The following IGF2BP2 variants were observed in gnomAD, a reference collection of about 807,000 sequenced individuals.
IGF2BP2 encodes the protein insulin-like growth factor 2 mRNA-binding protein 2.
IGF2BP2 carries 17 observed loss-of-function variants against 75.8 expected under a neutral mutation model. The ratio of observed to expected loss-of-function variants is 0.22; its 90% CI spans 0.15 to 0.34. IGF2BP2 has a LOEUF of 0.34. IGF2BP2 is among the 10% of genes least tolerant of loss of function. The probability of loss-of-function intolerance (pLI) is 1.00; values close to 1 mark genes in which losing one functional copy is unlikely to be tolerated. For synonymous variants in IGF2BP2, 288 were observed against 295.6 expected (o/e 0.97, Z 0.26); for missense variants, 516 against 772.4 (o/e 0.67, Z 3.93).
intron 2 of IGF2BP2, among the ~76,000 whole-genome samples, chr3:185,707,731 A>G (rs1206833150): frequency 1.3e-5 from 2 of 152,170 alleles, no homozygotes; most frequent in African/African-American, 4.8e-5. Context: ...TCTTTCGGAA[A>G]TCAAACAAAA....
intron 12 of IGF2BP2, among the ~76,000 whole-genome samples, chr3:185,653,574 T>C (rs1462544078): frequency 6.6e-6 from 1 of 150,574 alleles, no homozygotes; most frequent in Non-Finnish European, 1.5e-5. Flanking sequence ...TGAGCCGAGA[T>C]CAAACCACTG....
chr3:185,659,521 C>T (rs908367887), intron 10 of IGF2BP2, among the ~76,000 whole-genome samples: 19 of 149,824 alleles, frequency 1.3e-4, no homozygotes, highest in Admixed American at 2.7e-4. Flanking sequence ...ATTACAGGCA[C>T]CCCCCACCAC....
intron 7 of IGF2BP2, among the ~76,000 whole-genome samples, chr3:185,679,448 T>A (rs1720047073): frequency 6.6e-6 from 1 of 152,218 alleles, no homozygotes; most frequent in Non-Finnish European, 1.5e-5. Context: ...AACATAGATT[T>A]ATAGTTAAAA....
chr3:185,685,782 C>A (rs1225965147), intron 7 of IGF2BP2, among the ~76,000 whole-genome samples: 1 of 152,176 alleles, frequency 6.6e-6, no homozygotes, highest in Non-Finnish European at 1.5e-5. Context: ...GCCGAGACTA[C>A]AGGTATACAC....
chr3:185,664,094 C>A (rs1716908121), intron 10 of IGF2BP2, among the ~76,000 whole-genome samples: 1 of 152,184 alleles, frequency 6.6e-6, no homozygotes, highest in African/African-American at 2.4e-5. Flanking sequence ...AGAAGGTGCA[C>A]TGCTCTATGC....
chr3:185,739,080 TATGTGTTTTCAC>T (rs1344245862), intron 2 of IGF2BP2, among the ~76,000 whole-genome samples: 1 of 152,248 alleles, frequency 6.6e-6, no homozygotes, highest in Non-Finnish European at 1.5e-5. Flanking sequence ...TGCCCTTTTA[TATGTGTTTTCAC>T]ATATCTTTGG....
At position 185,689,521 on chromosome 3, in the gene IGF2BP2, G is replaced by A. The variant is rs149558569; in HGVS notation, c.511C>T (p.Arg171Cys). ...TGCTCCCGGGAAGAGTGGTCCCCAC[G>A]CTGGGCTCGCTGAGGGGGCGAAGGG... ...SSPSPPQRAQRGDHSSREQGH... is the reference protein window; with the variant it reads ...SSPSPPQRAQCGDHSSREQGH... The change falls in exon 6 of 16, where the codon CGT (arginine) becomes TGT (cysteine). Residue 171 changes from arginine (R) to cysteine (C), a missense_variant. Coordinates refer to ENST00000382199, the MANE Select transcript of IGF2BP2 (RefSeq NM_006548.6). The A allele has an allele frequency of 1.3e-5, 21 of 1,614,198 alleles. No homozygotes were observed. The highest frequency in any genetic ancestry group is 2.2e-5 in the South Asian group (2 of 91,084).
intron 2 of IGF2BP2, among the ~76,000 whole-genome samples, chr3:185,700,032 T>C (rs1723079218): frequency 6.6e-6 from 1 of 152,152 alleles, no homozygotes; most frequent in Non-Finnish European, 1.5e-5. Context: ...AGCTTGACAC[T>C]GAAATCCTAT....
intron 2 of IGF2BP2, among the ~76,000 whole-genome samples, chr3:185,806,426 A>C (rs1560500958): frequency 6.6e-6 from 1 of 152,220 alleles, no homozygotes; most frequent in African/African-American, 2.4e-5. Context: ...AGGGACTCTA[A>C]TATTTTCTAA....
intron 4 of IGF2BP2, 93 bp downstream of exon 4, chr3:185,696,519 G>T: frequency 9.6e-7 from 1 of 1,043,726 alleles, no homozygotes; most frequent in Non-Finnish European, 1.5e-6. Flanking sequence ...AAAGAAATAT[G>T]AACTTACTAT....
chr3:185,749,970 T>C lies in IGF2BP2; in HGVS notation c.240-51623A>G, dbSNP rs148435822. ...CACCCACGCGGACTTACTGCAAGAATAGAAGCTCTTTGTAGGTAAGGACTA... is the reference window on the plus strand; with the variant it reads ...CACCCACGCGGACTTACTGCAAGAACAGAAGCTCTTTGTAGGTAAGGACTA... On this transcript the variant is annotated intron_variant, in intron 2 of 15. Coordinates refer to ENST00000382199, the MANE Select transcript of IGF2BP2 (RefSeq NM_006548.6). 4.6e-3 allele frequency among the ~76,000 whole-genome samples: 702 copies of C among 152,320 alleles called. 2 individuals carry two copies. Among genetic ancestry groups the C allele is most frequent in the Non-Finnish European group, 7.6e-3 (515 of 68,026 alleles).
At chr3:185,762,553 G>C (rs1166296373) in intron 2 of IGF2BP2, among the ~76,000 whole-genome samples, 1 of 149,542 alleles carries the variant, frequency 6.7e-6, no homozygotes, top group Non-Finnish European at 1.5e-5. Flanking sequence ...AAAAAGAAAA[G>C]AAAAAGAAAA....
In IGF2BP2 at chr3:185,689,608, C is replaced by G. The variant is rs148304949; in HGVS notation, c.424G>C (p.Gly142Arg). Residue 142 changes from glycine (G) to arginine (R), a missense_variant, in exon 6 of 16, where the codon GGG (glycine) becomes CGG (arginine). Physicochemically the swap from Gly to Arg is moderately radical, Grantham distance 125. Transcript: ENST00000382199. ...AAGGAGTAGTTCTCAAACTGATGCC[C>G]GCTTAGCTTCTCCATGGCTCTGAAA... ...EAKIAMEKLS[G>R]HQFENYSFKI... 1 of 1,614,078 alleles carries G rather than the reference C, an allele frequency of 6.2e-7. No individual in the cohort carries two copies. The highest frequency in any genetic ancestry group is 8.5e-7 in the Non-Finnish European group (1 of 1,179,968).
At chr3:185,687,017 T>C in intron 7 of IGF2BP2, 40 bp downstream of exon 7, 1 of 1,595,844 alleles carries the variant, frequency 6.3e-7, no homozygotes, top group Admixed American at 1.8e-5. Flanking sequence ...ATCTACTCTT[T>C]TTCTCTGTTG....
intron 9 of IGF2BP2, 54 bp downstream of exon 9, chr3:185,675,242 C>G: frequency 6.4e-7 from 1 of 1,568,066 alleles, no homozygotes; most frequent in Non-Finnish European, 8.6e-7. Flanking sequence ...AGCTGAATGG[C>G]AAGTATTTTT....
At chr3:185,729,663 A>G (rs1416216296) in intron 2 of IGF2BP2, 1 of 152,258 alleles carries the variant, frequency 6.6e-6, no homozygotes, top group Non-Finnish European at 1.5e-5. Context: ...TAACGTTCAT[A>G]TGCTTTCAGA....
rs1475691244 is a variant in IGF2BP2 at position 185,714,683 on chromosome 3, C to T, written c.240-16336G>A. On this transcript the variant is annotated intron_variant, in intron 2 of 15. Coordinates refer to ENST00000382199, the MANE Select transcript of IGF2BP2 (RefSeq NM_006548.6). Reference sequence around the variant, plus strand: ...GAACCTATGGTTAGGTGCAGTGGCTCACACCTCTAATCCCAGCACTTTGGG... The same window carrying T: ...GAACCTATGGTTAGGTGCAGTGGCTTACACCTCTAATCCCAGCACTTTGGG... Among the ~76,000 whole-genome samples, 2 of 152,142 alleles carry T rather than the reference C, an allele frequency of 1.3e-5. 1 individual carries two copies. Among genetic ancestry groups the T allele is most frequent in the African/African-American group, 4.8e-5 (2 of 41,400 alleles).
intron 2 of IGF2BP2, among the ~76,000 whole-genome samples, chr3:185,718,581 A>AG (rs1361179367): frequency 1.4e-5 from 2 of 145,354 alleles, no homozygotes; most frequent in Non-Finnish European, 3.0e-5. Context: ...GCTACTCAGG[A>AG]GGCTGAGGCA....
intron 7 of IGF2BP2, among the ~76,000 whole-genome samples, chr3:185,686,443 GGAA>G (rs1167056605): frequency 6.6e-6 from 1 of 151,824 alleles, no homozygotes; most frequent in Admixed American, 6.6e-5. Context: ...AGAAAAAAGT[GGAA>G]GAAGAATAAA....
Sources: allele counts gnomAD v4.1 joint callset (sites outside exome capture counted in the v4.1 genomes callset), GRCh38; gene constraint gnomAD v4.1.1; transcripts MANE v1.5; gene names NCBI Gene and HGNC (gene_info 2026-07-23, HGNC 2026-07-21).